The following EFCAB7 variants were observed in gnomAD, a reference collection of about 807,000 sequenced individuals.
The protein encoded by EFCAB7 is EF-hand calcium binding domain 7.
EFCAB7 carries 66 observed loss-of-function variants against 77.1 expected under a neutral mutation model. That is an observed-to-expected ratio of 0.86 (90% CI 0.70 to 1.05). The LOEUF (loss-of-function observed/expected upper bound fraction) is 1.05. EFCAB7 is among the 50% of genes least tolerant of loss of function. The probability of loss-of-function intolerance (pLI) is 0.00; values close to 1 mark genes in which losing one functional copy is unlikely to be tolerated. For missense variants in EFCAB7, 638 were observed against 730.5 expected (o/e 0.87, Z 1.46); for synonymous variants, 225 against 243.3 (o/e 0.92, Z 0.70).
At chr1:63,539,181 T>A (rs974738330) in intron 6 of EFCAB7, among the ~76,000 whole-genome samples, 1 of 152,178 alleles carries the variant, frequency 6.6e-6, no homozygotes, top group Non-Finnish European at 1.5e-5. Flanking sequence ...CATTGAAAAA[T>A]TCTTCCGAAA....
chr1:63,573,636 A>AT (rs1251106426), downstream of EFCAB7, among the ~76,000 whole-genome samples: 2 of 152,298 alleles, frequency 1.3e-5, no homozygotes, highest in East Asian at 3.9e-4. Context: ...AGAACGGTGA[A>AT]TAGGAGTATG....
chr1:63,527,490 T>C (rs1646615023), intron 2 of EFCAB7, among the ~76,000 whole-genome samples: 1 of 142,912 alleles, frequency 7.0e-6, no homozygotes, highest in Non-Finnish European at 1.5e-5. Flanking sequence ...TTACTATAGC[T>C]TTAAGTTCCT....
chr1:63,546,193 A>G (rs547913619), intron 7 of EFCAB7, 136 bp downstream of exon 7: 20 of 955,350 alleles, frequency 2.1e-5, no homozygotes, highest in East Asian at 1.8e-4. Context: ...ACATTTCAAG[A>G]AAGTGTTGGC....
chr1:63,567,923 T>C (rs923646170), intron 11 of EFCAB7, among the ~76,000 whole-genome samples: 1 of 152,236 alleles, frequency 6.6e-6, no homozygotes, highest in African/African-American at 2.4e-5. Context: ...TAAGCTTCAA[T>C]TGTAAATGTA....
At chr1:63,557,771 G>A (rs1267007139) in intron 10 of EFCAB7, among the ~76,000 whole-genome samples, 3 of 152,180 alleles carry the variant, frequency 2.0e-5, no homozygotes, top group South Asian at 2.1e-4. Context: ...TGAGAATGAG[G>A]CAAAGTCAGT....
chr1:63,568,165 C>A, intron 11 of EFCAB7, 145 bp from the exon 12 acceptor site: 1 of 588,652 alleles, frequency 1.7e-6, no homozygotes, highest in Non-Finnish European at 2.8e-6. Context: ...GCTTATTACT[C>A]AATTCATAGT....
chr1:63,571,029 GA>G lies in EFCAB7; in HGVS notation c.1719del (p.Val574Ter). ...TSVIENKSDE[K>X]VIIHISNELS... is the part of the protein sequence containing the mutation. ...AAATCTTTTTTTAATAGTCAGATGA[GA>G]AAGTGATTATTCACATCAGCAATGA... On this transcript the variant is annotated frameshift_variant, in exon 13 of 14. Coordinates refer to ENST00000371088, the MANE Select transcript of EFCAB7 (RefSeq NM_032437.4). LOFTEE classifies it high-confidence loss of function. The G allele has an allele frequency of 6.2e-7, 1 of 1,603,438 alleles. No homozygotes were observed. The highest frequency in any genetic ancestry group is 1.3e-5 in the African/African-American group (1 of 74,578).
At chr1:63,542,223 G>A (rs970726431) in intron 6 of EFCAB7, among the ~76,000 whole-genome samples, 1 of 152,086 alleles carries the variant, frequency 6.6e-6, no homozygotes, top group Non-Finnish European at 1.5e-5. Context: ...TTTTGTGTCT[G>A]GCTGATTTCA....
At chr1:63,562,666 A>AT (rs1647123647) in intron 11 of EFCAB7, among the ~76,000 whole-genome samples, 1 of 147,314 alleles carries the variant, frequency 6.8e-6, no homozygotes, top group African/African-American at 2.5e-5. Flanking sequence ...CGCCCAGCTA[A>AT]TTTTTTAACT....
chr1:63,529,516 C>G (rs1276837638), intron 2 of EFCAB7: 2 of 151,874 alleles, frequency 1.3e-5, no homozygotes, highest in African/African-American at 4.8e-5. Flanking sequence ...GAGTTTGAGA[C>G]CAGCCTGACC....
At chr1:63,582,730 G>A in the EFCAB7 span, among the ~76,000 whole-genome samples, 3 of 152,086 alleles carry the variant, frequency 2.0e-5, no homozygotes, top group Non-Finnish European at 4.4e-5. Context: ...TCAGCCTCTC[G>A]AGTAGCTGGG....
intron 7 of EFCAB7, chr1:63,549,249 G>A (rs1646937369): frequency 2.3e-6 from 1 of 433,296 alleles, no homozygotes; most frequent in Non-Finnish European, 4.6e-6. Context: ...ATAGAATGAA[G>A]ACCATAATAA....
downstream of EFCAB7, among the ~76,000 whole-genome samples, chr1:63,576,681 A>T (rs1647428870): frequency 6.7e-6 from 1 of 149,470 alleles, no homozygotes; most frequent in Non-Finnish European, 1.5e-5. Context: ...AAAAAAAAAA[A>T]AATTAGCTGG....
chr1:63,558,669 A>G (rs1647057376), intron 10 of EFCAB7, among the ~76,000 whole-genome samples: 2 of 152,122 alleles, frequency 1.3e-5, no homozygotes. Context: ...AAGAAAATGT[A>G]CTGTTTATCT....
chr1:63,550,016 GC>G (rs928100119), intron 7 of EFCAB7: 1 of 152,274 alleles, frequency 6.6e-6, no homozygotes, highest in African/African-American at 2.4e-5. Flanking sequence ...AATGCCAACT[GC>G]TTGAAGAATT....
At chr1:63,534,619 T>G (rs1292448768) in intron 6 of EFCAB7, among the ~76,000 whole-genome samples, 1 of 152,154 alleles carries the variant, frequency 6.6e-6, no homozygotes, top group Admixed American at 6.5e-5. Context: ...AATATTGATC[T>G]TCTTTCTTTG....
At chr1:63,543,119 G>T (rs1363732936) in intron 6 of EFCAB7, among the ~76,000 whole-genome samples, 1 of 152,126 alleles carries the variant, frequency 6.6e-6, no homozygotes, top group Non-Finnish European at 1.5e-5. Context: ...TTTATGTGTT[G>T]CATAAGATAA....
chr1:63,553,147 T>C (rs1427196928), intron 8 of EFCAB7, among the ~76,000 whole-genome samples: 2 of 152,210 alleles, frequency 1.3e-5, no homozygotes, highest in Admixed American at 6.5e-5. Flanking sequence ...AGATGAGTTT[T>C]GTGCCCATGA....
intron 4 of EFCAB7, 87 bp downstream of exon 4, chr1:63,532,843 C>T (rs1646715481): frequency 2.9e-6 from 3 of 1,027,418 alleles, no homozygotes; most frequent in East Asian, 2.5e-5. Context: ...GTATAATTGA[C>T]ATTACAGTGT....
Sources: gnomAD v4.1 joint callset for allele counts (sites outside exome capture counted in the v4.1 genomes callset) on GRCh38, gnomAD v4.1.1 for gene constraint, MANE v1.5 for transcripts, NCBI Gene and HGNC (gene_info 2026-07-23, HGNC 2026-07-21) for gene names.